Variants in UNC45A observed in about 807,000 individuals in gnomAD.
UNC45A encodes the protein unc-45 myosin chaperone A.
In UNC45A, 78 loss-of-function variants were observed where a neutral mutation model predicts 103.2. That is an observed-to-expected ratio of 0.76 (90% CI 0.63 to 0.91). The LOEUF (loss-of-function observed/expected upper bound fraction) is 0.91. Ranked by LOEUF, UNC45A falls within the 40% of genes least tolerant of loss-of-function variation. The pLI is 0.00. For synonymous variants in UNC45A, 495 were observed against 504.6 expected (o/e 0.98, Z 0.25); for missense variants, 1,193 against 1,224.8 (o/e 0.97, Z 0.39).
intron 10 of UNC45A, 118 bp downstream of exon 10, chr15:90,947,032 C>A: frequency 2.4e-6 from 3 of 1,253,152 alleles, no homozygotes; most frequent in South Asian, 1.5e-5. Flanking sequence ...ACTGTAATGC[C>A]AAAAAAATTA....
At chr15:90,935,411 A>G (rs774986317) in intron 1 of UNC45A, 36 bp downstream of exon 1, 2 of 1,575,414 alleles carry the variant, frequency 1.3e-6, no homozygotes, top group South Asian at 2.3e-5. Flanking sequence ...ACCCCTTCGC[A>G]CCCGCCCTGA....
At chr15:90,932,222 A>T, upstream of UNC45A, 1 of 1,218,372 alleles carries the variant, frequency 8.2e-7, no homozygotes, top group Non-Finnish European at 1.1e-6. Context: ...TAGCTGGGTG[A>T]CCTTGGTCAA....
intron 13 of UNC45A, 114 bp from the exon 14 acceptor site, chr15:90,949,201 GT>G: frequency 7.0e-7 from 1 of 1,438,544 alleles, no homozygotes; most frequent in Non-Finnish European, 9.3e-7. Flanking sequence ...AAGCCAGTTT[GT>G]TTCCTTTTGT....
chr15:90,946,942 G>GGGGGGGGGGGGGC, intron 10 of UNC45A, 28 bp downstream of exon 10: 1 of 817,444 alleles, frequency 1.2e-6, no homozygotes, highest in East Asian at 3.3e-5. Context: ...GGGTGGGTGG[G>GGGGGGGGGGGGGC]CAGGCAGCCA....
rs754400532 is a variant in UNC45A at position 90,936,437 on chromosome 15, A to G, written c.403A>G (p.Ile135Val). 6.2e-7 allele frequency: 1 copy of G among 1,614,192 alleles called. No individual in the cohort carries two copies. The highest frequency in any genetic ancestry group is 8.5e-7 in the Non-Finnish European group (1 of 1,180,014). ...NKVFQEALRNIGGQIQEKVRY... is the reference protein window; with the variant it reads ...NKVFQEALRNVGGQIQEKVRY... ...AGTTTTCCAGGAGGCCTTGCGGAAC[A>G]TCGGGGGCCAGATTCAGGAGAAGGT... Residue 135 changes from isoleucine (I) to valine (V), a missense_variant, in exon 4 of 20, where the codon ATC becomes GTC. Coordinates refer to ENST00000418476, the MANE Select transcript of UNC45A (RefSeq NM_018671.5).
At position 90,936,285 on chromosome 15, in the gene UNC45A, C is replaced by G. The variant is rs1380167129; in HGVS notation, c.251C>G (p.Ala84Gly). ...TGACAGCGCTCCTGTTTGTGCTCAGCCATTGAAAAGGATGGTGGGGATGTC... is the reference window on the plus strand; with the variant it reads ...TGACAGCGCTCCTGTTTGTGCTCAGGCATTGAAAAGGATGGTGGGGATGTC... ...YDKAETEASK[A>G]IEKDGGDVKA... The change falls in exon 4 of 20, where the codon GCC becomes GGC. Residue 84 changes from alanine (A) to glycine (G), a missense_variant and splice_region_variant. Transcript: ENST00000418476. The G allele has an allele frequency of 6.2e-7, 1 of 1,611,378 alleles. No individual in the cohort carries two copies. Among genetic ancestry groups the G allele is most frequent in the African/African-American group, 1.3e-5 (1 of 74,838 alleles).
chr15:90,946,942 G>GGGGGGGGGGGGGGC, intron 10 of UNC45A, 28 bp downstream of exon 10: 1 of 817,444 alleles, frequency 1.2e-6, no homozygotes, highest in Non-Finnish European at 2.0e-6. Context: ...GGGTGGGTGG[G>GGGGGGGGGGGGGGC]CAGGCAGCCA....
chr15:90,931,106 G>A (rs1405461528), upstream of UNC45A: 4 of 737,926 alleles, frequency 5.4e-6, no homozygotes, highest in Non-Finnish European at 8.7e-6. Flanking sequence ...GCGGGGCTCA[G>A]CTTAGTTAGC....
rs144625807 is a variant in UNC45A at position 90,940,471 on chromosome 15, C to T, written c.685C>T (p.Arg229Trp). The T allele has an allele frequency of 3.0e-5, 48 of 1,611,618 alleles. No individual in the cohort carries two copies. The highest frequency in any genetic ancestry group is 1.7e-4 in the South Asian group (15 of 90,886). The stretch of plus-strand genomic sequence containing the variant: ...TGGCATTTGCTCTGAGCATCAGTCA[C>T]GGGTAGGTGGAGTGGAGAGGCTGGT... ...LVGICSEHQSRTVATLSILGT... is the reference protein window; with the variant it reads ...LVGICSEHQSWTVATLSILGT... The change falls in exon 6 of 20, where the codon CGG becomes TGG. Residue 229 changes from arginine to tryptophan, a missense_variant and splice_region_variant. Coordinates refer to ENST00000418476, the MANE Select transcript of UNC45A (RefSeq NM_018671.5).
At chr15:90,932,421 G>A (rs2035834559), upstream of UNC45A, 1 of 1,339,392 alleles carries the variant, frequency 7.5e-7, no homozygotes, top group Non-Finnish European at 9.6e-7. Context: ...CGCGGCCGAC[G>A]CGCCCACCGA....
At chr15:90,951,997 C>T (rs565533638) in intron 17 of UNC45A, among the ~76,000 whole-genome samples, 1 of 152,154 alleles carries the variant, frequency 6.6e-6, no homozygotes, top group African/African-American at 2.4e-5. Context: ...TCTTCTACAT[C>T]CTAATTTTGA....
In UNC45A at chr15:90,942,621, T is replaced by C; in HGVS notation, c.856+16T>C. ...ATCATTGTGGGTGAGTGGAAGCAGG[T>C]CTGGGGTCTTTTGGACGTTACTGTC... On this transcript the variant is annotated intron_variant, in intron 7 of 19. Transcript: ENST00000418476. The C allele has an allele frequency of 6.2e-6, 10 of 1,614,052 alleles. No individual in the cohort carries two copies. Among genetic ancestry groups the C allele is most frequent in the Non-Finnish European group, 8.5e-6 (10 of 1,179,998 alleles).
chr15:90,935,468 C>G, intron 1 of UNC45A, 76 bp from the exon 2 acceptor site: 2 of 1,573,436 alleles, frequency 1.3e-6, no homozygotes, highest in South Asian at 1.2e-5. Context: ...GCCCCGATCC[C>G]TCCTCTCCTC....
chr15:90,931,436 G>A (rs749888237), upstream of UNC45A: 40 of 1,610,496 alleles, frequency 2.5e-5, no homozygotes, highest in East Asian at 7.6e-4. Flanking sequence ...ACTTGCTAGC[G>A]TGATGTCAAG....
upstream of UNC45A, chr15:90,931,251 C>T (rs1173938075): frequency 3.2e-6 from 5 of 1,550,460 alleles, no homozygotes; most frequent in Non-Finnish European, 4.4e-6. Context: ...TGGAGTTGTG[C>T]CTCTGGATAG....
At position 90,953,773 on chromosome 15, in the gene UNC45A, G is replaced by T. The variant is rs577782903; in HGVS notation, c.*57G>T. 48 of 1,577,230 alleles carry T rather than the reference G, an allele frequency of 3.0e-5. No homozygotes were observed. In the African/African-American group the frequency reaches 5.6e-4, roughly 19 times the overall value. ...CACGCTACCTATTGTGGCACGGAGAGTAAGGACGGAAGCAGCTTTGGCTGG... is the reference window on the plus strand; with the variant it reads ...CACGCTACCTATTGTGGCACGGAGATTAAGGACGGAAGCAGCTTTGGCTGG... On this transcript the variant is annotated 3_prime_UTR_variant, in exon 20 of 20. Coordinates refer to ENST00000418476, the MANE Select transcript of UNC45A (RefSeq NM_018671.5).
chr15:90,940,450 A>C lies in UNC45A; in HGVS notation c.664A>C (p.Ile222Leu), dbSNP rs752602934. The stretch of plus-strand genomic sequence containing the variant: ...GGCGGCTCTGCGTACGCTGGTTGGC[A>C]TTTGCTCTGAGCATCAGTCACGGGT... ...MLAALRTLVG[I>L]CSEHQSRTVA... The change falls in exon 6 of 20, where the codon ATT (isoleucine) becomes CTT (leucine). Residue 222 changes from isoleucine (I) to leucine (L), a missense_variant. Coordinates refer to ENST00000418476, the MANE Select transcript of UNC45A (RefSeq NM_018671.5). 3.1e-6 allele frequency: 5 copies of C among 1,613,640 alleles called. No homozygotes were observed. The Admixed American group carries it at 8.3e-5, about 27-fold the overall frequency.
intron 6 of UNC45A, 22 bp downstream of exon 6, chr15:90,940,495 G>A (rs772661531): frequency 6.6e-5 from 106 of 1,599,780 alleles, no homozygotes; most frequent in Non-Finnish European, 8.7e-5. Context: ...GGAGAGGCTG[G>A]TTACAGCTTC....
intron 18 of UNC45A, 34 bp from the exon 19 acceptor site, chr15:90,953,121 A>G (rs749707097): frequency 1.2e-6 from 2 of 1,613,196 alleles, no homozygotes; most frequent in Middle Eastern, 1.6e-4. Context: ...TTTACACCCA[A>G]CTGACTTGGT....
Sources: allele counts gnomAD v4.1 joint callset (sites outside exome capture counted in the v4.1 genomes callset), GRCh38; gene constraint gnomAD v4.1.1; transcripts MANE v1.5; gene names NCBI Gene and HGNC (gene_info 2026-07-23, HGNC 2026-07-21).